FILIP1: variants seen among roughly 807,000 people sequenced by gnomAD.
The protein encoded by FILIP1 is filamin A interacting protein 1.
In FILIP1, 61 loss-of-function variants were observed where a neutral mutation model predicts 102.1. The observed-to-expected ratio is 0.60, with a 90% CI of 0.49 to 0.74. The LOEUF is 0.74. FILIP1 is among the 30% of genes least tolerant of loss of function. The pLI is 0.00. For synonymous variants in FILIP1, 491 were observed against 526.9 expected, an observed-to-expected ratio of 0.93 and a Z score of 0.93; for missense variants, 1,314 against 1,441.2, an observed-to-expected ratio of 0.91 and a Z score of 1.43.
intron 1 of FILIP1, among the ~76,000 whole-genome samples, chr6:75,421,401 G>A (rs925208719): frequency 2.0e-5 from 3 of 152,150 alleles, no homozygotes; most frequent in Non-Finnish European, 4.4e-5. Flanking sequence ...GGGCAACAGG[G>A]TAACCAGGAC....
rs533488727 is a variant in FILIP1, at chr6:75,439,417, T to A, written c.-6-24439A>T. ...TAAGAAAATATGGTCATGATTGGAG[T>A]GTGCAAACACATGTTCTTTGTCCCT... On this transcript the variant is annotated intron_variant, in intron 1 of 5. Coordinates refer to ENST00000237172, the MANE Select transcript of FILIP1 (RefSeq NM_015687.5). Among the ~76,000 whole-genome samples the A allele has an allele frequency of 1.5e-4, 22 of 151,336 alleles. 1 individual carries two copies. The highest frequency in any genetic ancestry group is 1.4e-3 in the Admixed American group (21 of 15,226).
At chr6:75,454,550 G>A (rs919699272) in intron 1 of FILIP1, among the ~76,000 whole-genome samples, 9 of 152,076 alleles carry the variant, frequency 5.9e-5, no homozygotes, top group Non-Finnish European at 1.3e-4. Flanking sequence ...TCTTCAGGGG[G>A]GCTATTCTGC....
At chr6:75,366,581 C>G (rs976045084) in intron 2 of FILIP1, among the ~76,000 whole-genome samples, 6 of 152,104 alleles carry the variant, frequency 3.9e-5, no homozygotes, top group African/African-American at 1.4e-4. Context: ...TTCTTATATA[C>G]TTGCTGTTAG....
At chr6:75,422,542 C>A (rs111447556) in intron 1 of FILIP1, among the ~76,000 whole-genome samples, 2 of 152,258 alleles carry the variant, frequency 1.3e-5, no homozygotes, top group African/African-American at 4.8e-5. Context: ...TAAGAATCAG[C>A]CATTTTCCTG....
At chr6:75,477,651 T>A (rs915205288) in intron 1 of FILIP1, among the ~76,000 whole-genome samples, 4 of 151,978 alleles carry the variant, frequency 2.6e-5, no homozygotes, top group Non-Finnish European at 5.9e-5. Flanking sequence ...TAATAAAGAA[T>A]AAGCTCAGGA....
At chr6:75,413,788 A>AG (rs1165668341) in intron 2 of FILIP1, among the ~76,000 whole-genome samples, 1 of 151,418 alleles carries the variant, frequency 6.6e-6, no homozygotes, top group African/African-American at 2.4e-5. Context: ...CTCCAGGAAA[A>AG]AAAAAAAAAA....
chr6:75,330,669 T>TA (rs1218382423), intron 4 of FILIP1, among the ~76,000 whole-genome samples: 2 of 152,218 alleles, frequency 1.3e-5, no homozygotes, highest in Non-Finnish European at 2.9e-5. Context: ...TATAAATTTT[T>TA]AAAAAATCCA....
chr6:75,418,813 T>C (rs1378575624), intron 1 of FILIP1, among the ~76,000 whole-genome samples: 3 of 152,228 alleles, frequency 2.0e-5, no homozygotes, highest in African/African-American at 7.2e-5. Context: ...CAGATGCTTC[T>C]CTTTGATAAG....
intron 4 of FILIP1, among the ~76,000 whole-genome samples, chr6:75,350,319 T>C (rs73453765): frequency 0.011 from 1,717 of 152,078 alleles, 38 homozygotes; most frequent in African/African-American, 0.039. Flanking sequence ...TGAATTCTTA[T>C]CTAAAACGTG....
intron 1 of FILIP1, among the ~76,000 whole-genome samples, chr6:75,432,956 C>T (rs934545350): frequency 6.6e-6 from 1 of 152,084 alleles, no homozygotes; most frequent in Non-Finnish European, 1.5e-5. Flanking sequence ...TGATAGTTTG[C>T]TCCAAATGAT....
At chr6:75,403,149 G>T (rs1040530513) in intron 2 of FILIP1, among the ~76,000 whole-genome samples, 1 of 152,116 alleles carries the variant, frequency 6.6e-6, no homozygotes, top group Non-Finnish European at 1.5e-5. Flanking sequence ...GCAGGAGAAA[G>T]ATAAGCATTG....
chr6:75,315,247 A>G (rs745674282), intron 4 of FILIP1, 45 bp from the exon 5 acceptor site: 2 of 1,298,460 alleles, frequency 1.5e-6, no homozygotes, highest in South Asian at 3.4e-5. Context: ...TAATCAGCAA[A>G]CAGATTTAAG....
In FILIP1 at chr6:75,339,863, G is replaced by A. The variant is rs146234945; in HGVS notation, c.629+13676C>T. Among the ~76,000 whole-genome samples, 117 of 152,110 alleles carry A rather than the reference G, an allele frequency of 7.7e-4. 1 individual carries two copies. The highest frequency in any genetic ancestry group is 2.7e-3 in the African/African-American group (111 of 41,510). On this transcript the variant is annotated intron_variant, in intron 4 of 5. Coordinates refer to ENST00000237172, the MANE Select transcript of FILIP1 (RefSeq NM_015687.5). Reference sequence around the variant, plus strand: ...CTCAGGAGACTGAGGCAGGAGAATCGCTTGAACCTGGGAGGCAGAGGTTGC... The same window carrying A: ...CTCAGGAGACTGAGGCAGGAGAATCACTTGAACCTGGGAGGCAGAGGTTGC...
intron 4 of FILIP1, among the ~76,000 whole-genome samples, chr6:75,328,868 G>A (rs1773968170): frequency 6.6e-6 from 1 of 152,128 alleles, no homozygotes; most frequent in Non-Finnish European, 1.5e-5. Flanking sequence ...TTGGCCTTTG[G>A]TTGTATTTTC....
At chr6:75,406,523 A>C (rs1225870456) in intron 2 of FILIP1, among the ~76,000 whole-genome samples, 3 of 152,088 alleles carry the variant, frequency 2.0e-5, no homozygotes, top group Non-Finnish European at 4.4e-5. Flanking sequence ...ATCTATCCTA[A>C]GTCATGAGCT....
At chr6:75,395,200 A>T (rs1163870636) in intron 2 of FILIP1, among the ~76,000 whole-genome samples, 1 of 152,190 alleles carries the variant, frequency 6.6e-6, no homozygotes, top group Non-Finnish European at 1.5e-5. Flanking sequence ...ATGCTTCCAT[A>T]TATTATACCC....
chr6:75,462,765 C>T (rs1214051285), intron 1 of FILIP1, among the ~76,000 whole-genome samples: 1 of 152,148 alleles, frequency 6.6e-6, no homozygotes, highest in African/African-American at 2.4e-5. Flanking sequence ...TAAGCCATTG[C>T]TTTCTGGGGG....
chr6:75,429,844 A>G (rs569898699), intron 1 of FILIP1, among the ~76,000 whole-genome samples: 1 of 152,296 alleles, frequency 6.6e-6, no homozygotes, highest in East Asian at 1.9e-4. Context: ...TATGGGTTAT[A>G]TTTCATTTCA....
intron 4 of FILIP1, among the ~76,000 whole-genome samples, chr6:75,348,687 G>A (rs964160398): frequency 2.0e-5 from 3 of 152,192 alleles, no homozygotes; most frequent in Non-Finnish European, 4.4e-5. Flanking sequence ...ATTTGGAGGA[G>A]GGCTTTATTA....
Sources: allele counts gnomAD v4.1 joint callset (sites outside exome capture counted in the v4.1 genomes callset), GRCh38; gene constraint gnomAD v4.1.1; transcripts MANE v1.5; gene names NCBI Gene and HGNC (gene_info 2026-07-23, HGNC 2026-07-21).